RBFOX1: variants seen among roughly 807,000 people sequenced by gnomAD.
RBFOX1 encodes RNA binding fox-1 homolog 1.
In RBFOX1, 8 loss-of-function variants were observed where a neutral mutation model predicts 57.7. That is an observed-to-expected ratio of 0.14 (90% CI 0.08 to 0.25). The LOEUF (loss-of-function observed/expected upper bound fraction) is 0.25. Among genes scored for constraint, RBFOX1 ranks in the 10% least tolerant of loss-of-function variants. RBFOX1 has a pLI of 1.00. For missense variants in RBFOX1, 611 were observed against 548.5 expected, an observed-to-expected ratio of 1.11 and a Z score of -1.14; for synonymous variants, 326 against 222.4, an observed-to-expected ratio of 1.47 and a Z score of -4.15.
intron 1 of RBFOX1, among the ~76,000 whole-genome samples, chr16:6,268,312 C>T (rs896561000): frequency 6.6e-6 from 1 of 152,182 alleles, no homozygotes; most frequent in African/African-American, 2.4e-5. Flanking sequence ...TGGAGGAGAA[C>T]TCCCGTGATG....
At chr16:5,522,662 C>T (rs951114928) in intron 2 of RBFOX1, among the ~76,000 whole-genome samples, 15 of 152,116 alleles carry the variant, frequency 9.9e-5, no homozygotes, top group African/African-American at 3.4e-4. Context: ...ACCCATTAAC[C>T]AGTCTCTCTC....
At chr16:5,542,055 C>G (rs1374766655) in intron 2 of RBFOX1, among the ~76,000 whole-genome samples, 1 of 152,060 alleles carries the variant, frequency 6.6e-6, no homozygotes, top group Admixed American at 6.6e-5. Flanking sequence ...TTTCTTTAAA[C>G]TGGCCAAAGA....
At chr16:6,279,459 C>G (rs1306632348) in intron 1 of RBFOX1, among the ~76,000 whole-genome samples, 1 of 152,160 alleles carries the variant, frequency 6.6e-6, no homozygotes, top group Non-Finnish European at 1.5e-5. Context: ...GAAGAGTGCC[C>G]TGTTGCCTTG....
chr16:6,697,635 G>A (rs2061250182), intron 3 of RBFOX1, among the ~76,000 whole-genome samples: 1 of 152,184 alleles, frequency 6.6e-6, no homozygotes. Flanking sequence ...GGAGCACCAA[G>A]CCAAGGTTAT....
intron 3 of RBFOX1, among the ~76,000 whole-genome samples, chr16:6,925,519 C>CT (rs1462858071): frequency 2.0e-5 from 3 of 150,154 alleles, no homozygotes; most frequent in African/African-American, 7.5e-5. Context: ...ATGTAAATTT[C>CT]CGGGGGGGCA....
chr16:7,490,996 G>A (rs1423950925), intron 4 of RBFOX1, among the ~76,000 whole-genome samples: 1 of 152,006 alleles, frequency 6.6e-6, no homozygotes, highest in Non-Finnish European at 1.5e-5. Flanking sequence ...AGCACCCTTG[G>A]AAAACTCTGA....
chr16:6,156,042 T>G (rs1170096405), intron 1 of RBFOX1, among the ~76,000 whole-genome samples: 1 of 152,128 alleles, frequency 6.6e-6, no homozygotes, highest in Non-Finnish European at 1.5e-5. Context: ...CAGAGAAAAA[T>G]GAGGAGATCT....
chr16:6,910,720 C>A (rs1315458822), intron 3 of RBFOX1, among the ~76,000 whole-genome samples: 2 of 152,200 alleles, frequency 1.3e-5, no homozygotes, highest in African/African-American at 4.8e-5. Context: ...AAAGCAACAT[C>A]ATTTCCTAAA....
At chr16:5,769,955 G>A (rs952753193) in intron 3 of RBFOX1, among the ~76,000 whole-genome samples, 3 of 152,162 alleles carry the variant, frequency 2.0e-5, no homozygotes, top group Admixed American at 1.3e-4. Flanking sequence ...TCTCAGTATA[G>A]GTATGTGCTA....
At chr16:5,707,853 G>T (rs59927251) in intron 3 of RBFOX1, among the ~76,000 whole-genome samples, 4,946 of 152,262 alleles carry the variant, frequency 0.032, 267 homozygotes, top group African/African-American at 0.11. Flanking sequence ...AGTTAAGAAT[G>T]CCATTGGAAT....
At chr16:7,250,664 C>T (rs1296910266) in intron 4 of RBFOX1, among the ~76,000 whole-genome samples, 1 of 152,208 alleles carries the variant, frequency 6.6e-6, no homozygotes, top group Non-Finnish European at 1.5e-5. Context: ...TACCATTAGA[C>T]TCTTGAAGGA....
intron 4 of RBFOX1, among the ~76,000 whole-genome samples, chr16:5,959,330 A>G (rs1043809240): frequency 7.9e-5 from 12 of 152,176 alleles, no homozygotes; most frequent in East Asian, 1.9e-4. Flanking sequence ...CTCAGCCTGA[A>G]TCTCTCAGTT....
chr16:6,614,145 G>T (rs1051119153), intron 2 of RBFOX1, among the ~76,000 whole-genome samples: 1 of 152,142 alleles, frequency 6.6e-6, no homozygotes, highest in Non-Finnish European at 1.5e-5. Context: ...AATTTCCCAT[G>T]TAAGATAATA....
chr16:6,183,726 C>A (rs1480975105), intron 1 of RBFOX1, among the ~76,000 whole-genome samples: 1 of 152,024 alleles, frequency 6.6e-6, no homozygotes, highest in Non-Finnish European at 1.5e-5. Flanking sequence ...CTTGTCATAT[C>A]CACAGCAAGG....
At chr16:5,968,049 T>G (rs988680651) in intron 4 of RBFOX1, among the ~76,000 whole-genome samples, 12 of 152,182 alleles carry the variant, frequency 7.9e-5, no homozygotes, top group Non-Finnish European at 1.6e-4. Context: ...CTGACCATTT[T>G]GACGGTCTAA....
chr16:6,210,340 AAAAAC>A lies in RBFOX1; in HGVS notation c.-126-106650_-126-106646del, dbSNP rs1406401068. Among the ~76,000 whole-genome samples the A allele has an allele frequency of 3.1e-3, 256 of 83,050 alleles. 2 individuals carry two copies. Among genetic ancestry groups the A allele is most frequent in the Non-Finnish European group, 6.9e-3 (224 of 32,542 alleles). The allele number at this position is 83,050 out of a possible 152,430, so 54.5% of individuals were successfully genotyped here. ...CTGAAAAAAAAAAACAAAAAAACAA[AAAAAC>A]AAAAAAAAAAAACACCAAAAAAAAA... On this transcript the variant is annotated intron_variant, in intron 1 of 15. Coordinates refer to ENST00000550418, the MANE Select transcript of RBFOX1 (RefSeq NM_018723.4).
At chr16:6,130,969 T>C (rs2096625398) in intron 1 of RBFOX1, among the ~76,000 whole-genome samples, 1 of 152,168 alleles carries the variant, frequency 6.6e-6, no homozygotes, top group Non-Finnish European at 1.5e-5. Context: ...TGAAAAAACA[T>C]TCATAACCAG....
At chr16:6,489,741 A>G (rs1228862282) in intron 2 of RBFOX1, among the ~76,000 whole-genome samples, 4 of 152,160 alleles carry the variant, frequency 2.6e-5, no homozygotes, top group Admixed American at 2.0e-4. Context: ...ATATGTTGCT[A>G]TTTAAATACT....
chr16:5,910,031 T>G (rs767645219), intron 4 of RBFOX1, among the ~76,000 whole-genome samples: 2 of 151,772 alleles, frequency 1.3e-5, no homozygotes, highest in Non-Finnish European at 1.5e-5. Flanking sequence ...CCAGCCTTGG[T>G]GACAGAGCAA....
Sources: gnomAD v4.1 joint callset for allele counts (sites outside exome capture counted in the v4.1 genomes callset) on GRCh38, gnomAD v4.1.1 for gene constraint, MANE v1.5 for transcripts, NCBI Gene and HGNC (gene_info 2026-07-23, HGNC 2026-07-21) for gene names.